CHRNA3: variants seen among roughly 807,000 people sequenced by gnomAD.
The protein encoded by CHRNA3 is cholinergic receptor nicotinic alpha 3 subunit.
In CHRNA3, 34 loss-of-function variants were observed where a neutral mutation model predicts 41.9. That is an observed-to-expected ratio of 0.81 (90% CI 0.62 to 1.08). The LOEUF (loss-of-function observed/expected upper bound fraction) is 1.08. Ranked by LOEUF, CHRNA3 falls within the 50% of genes least tolerant of loss-of-function variation. CHRNA3 has a pLI of 0.00. For synonymous variants in CHRNA3, 281 were observed against 265.2 expected (o/e 1.06, Z -0.58); for missense variants, 542 against 638.3 (o/e 0.85, Z 1.63).
chr15:78,614,554 C>T (rs1416519031), intron 4 of CHRNA3, among the ~76,000 whole-genome samples: 7 of 152,142 alleles, frequency 4.6e-5, no homozygotes, highest in East Asian at 1.9e-4. Flanking sequence ...CAGTATAAAA[C>T]ATAGCTTCTC....
intron 5 of CHRNA3, among the ~76,000 whole-genome samples, chr15:78,598,158 G>A (rs1393871511): frequency 1.3e-5 from 2 of 152,246 alleles, no homozygotes; most frequent in East Asian, 1.9e-4. Flanking sequence ...GTGAGAATCT[G>A]GGTAAATTCC....
At chr15:78,613,718 A>G (rs986216710) in intron 4 of CHRNA3, among the ~76,000 whole-genome samples, 5 of 151,142 alleles carry the variant, frequency 3.3e-5, no homozygotes, top group African/African-American at 1.2e-4. Context: ...CTTAAAGTAT[A>G]ATAATAATAA....
intron 4 of CHRNA3, among the ~76,000 whole-genome samples, chr15:78,613,085 G>T (rs1416468833): frequency 1.3e-5 from 2 of 152,234 alleles, no homozygotes; most frequent in Non-Finnish European, 2.9e-5. Flanking sequence ...TGCTGGCGAG[G>T]ATGTGGAGAA....
In CHRNA3 at chr15:78,617,237, T is replaced by A. The variant is rs1223646678; in HGVS notation, c.268-104A>T. 7 of 701,974 alleles carry A rather than the reference T, an allele frequency of 1.0e-5. No homozygotes were observed. In the African/African-American group the frequency reaches 1.0e-4, roughly 11 times the overall value. 43.5% of individuals were successfully genotyped at this position (701,974 alleles called of 1,614,324 possible). On this transcript the variant is annotated intron_variant, in intron 3 of 5. Coordinates refer to ENST00000326828, the MANE Select transcript of CHRNA3 (RefSeq NM_000743.5). ...TTGGTGACTCCCCACCCCTGCTGCA[T>A]GTGACCGAACCACATCCATGCCATG...
At chr15:78,596,798 C>T (rs955378755) in intron 5 of CHRNA3, 66 bp from the exon 6 acceptor site, 6 of 1,541,634 alleles carry the variant, frequency 3.9e-6, no homozygotes, top group Non-Finnish European at 5.2e-6. Context: ...ATTTTCAATA[C>T]TGAAGATGTA....
intron 1 of CHRNA3, 108 bp downstream of exon 1, chr15:78,620,605 C>T: frequency 7.1e-7 from 1 of 1,401,862 alleles, no homozygotes; most frequent in Non-Finnish European, 9.2e-7. Flanking sequence ...GGCGACGGCG[C>T]CAGCCCTCTC....
intron 4 of CHRNA3, among the ~76,000 whole-genome samples, chr15:78,614,675 A>T (rs957072237): frequency 6.6e-6 from 1 of 152,238 alleles, no homozygotes; most frequent in East Asian, 1.9e-4. Flanking sequence ...AGAATAGACT[A>T]ATTCTACATC....
At chr15:78,606,928 G>A (rs1250833852) in intron 4 of CHRNA3, among the ~76,000 whole-genome samples, 1 of 151,412 alleles carries the variant, frequency 6.6e-6, no homozygotes, top group Non-Finnish European at 1.5e-5. Context: ...AAAACCAGAA[G>A]AAACATAAGA....
At chr15:78,605,063 G>A (rs1054727904) in intron 4 of CHRNA3, among the ~76,000 whole-genome samples, 8 of 152,036 alleles carry the variant, frequency 5.3e-5, no homozygotes, top group African/African-American at 1.9e-4. Flanking sequence ...GACAGCATTG[G>A]TGGGAAGGGT....
chr15:78,602,355 T>G lies in CHRNA3; in HGVS notation c.378-91A>C, dbSNP rs1202537145. The G allele has an allele frequency of 1.7e-5, 24 of 1,377,392 alleles. No individual in the cohort carries two copies. In the Middle Eastern group the frequency reaches 7.1e-4, roughly 41 times the overall value. The allele number at this position is 1,377,392 out of a possible 1,614,324, so 85.3% of individuals were successfully genotyped here. ...TCAACCAGCTTCTCACAGTAAGTAA[T>G]GATTTGGAAGGCACTGGAAGATGAG... On this transcript the variant is annotated intron_variant, in intron 4 of 5. Transcript: ENST00000326828.
intron 4 of CHRNA3, among the ~76,000 whole-genome samples, chr15:78,604,313 C>T (rs945478730): frequency 3.3e-5 from 5 of 152,206 alleles, no homozygotes; most frequent in African/African-American, 1.2e-4. Context: ...TCTAGTCCAA[C>T]ACCTTCATTT....
At chr15:78,616,350 TCC>T (rs1362089864) in intron 4 of CHRNA3, among the ~76,000 whole-genome samples, 1 of 109,100 alleles carries the variant, frequency 9.2e-6, no homozygotes, top group East Asian at 3.7e-4. Context: ...GACTCAGTCT[TCC>T]CCCCCCCACC....
At position 78,615,004 on chromosome 15, in the gene CHRNA3, G is replaced by A. The variant is rs751739760; in HGVS notation, c.377+2020C>T. On this transcript the variant is annotated intron_variant, in intron 4 of 5. Transcript: ENST00000326828. ...AAACTGGCGGGAAGATGCACATTCCGGATCCATAGGAGACTGGAAGTGGCC... is the reference window on the plus strand; with the variant it reads ...AAACTGGCGGGAAGATGCACATTCCAGATCCATAGGAGACTGGAAGTGGCC... 2.6e-5 allele frequency among the ~76,000 whole-genome samples: 4 copies of A among 152,082 alleles called. No individual in the cohort carries two copies. The South Asian group carries it at 6.2e-4, about 24-fold the overall frequency.
rs2053108935 is a variant in CHRNA3, at chr15:78,596,295, T to A, written c.*309A>T. The A allele has an allele frequency of 9.9e-7, 1 of 1,009,282 alleles. No individual in the cohort carries two copies. The highest frequency in any genetic ancestry group is 4.6e-5 in the South Asian group (1 of 21,874). 62.5% of individuals were successfully genotyped at this position (1,009,282 alleles called of 1,614,324 possible). A position where few individuals can be genotyped will look rare whatever the true frequency, so the allele number is the denominator to read the frequency against. On this transcript the variant is annotated 3_prime_UTR_variant, in exon 6 of 6. Transcript: ENST00000326828. ...CTGAACAGCATTTTTCTATCCAGTTTTGTTTCAACAACTAAAAGGAAACAT... is the reference window on the plus strand; with the variant it reads ...CTGAACAGCATTTTTCTATCCAGTTATGTTTCAACAACTAAAAGGAAACAT...
At chr15:78,609,593 A>G (rs1010052032) in intron 4 of CHRNA3, among the ~76,000 whole-genome samples, 12 of 152,352 alleles carry the variant, frequency 7.9e-5, no homozygotes, top group African/African-American at 2.2e-4. Context: ...AAACATGGAA[A>G]GGAACAACTG....
At chr15:78,610,867 A>T (rs1213593463) in intron 4 of CHRNA3, among the ~76,000 whole-genome samples, 3 of 152,264 alleles carry the variant, frequency 2.0e-5, no homozygotes, top group Non-Finnish European at 4.4e-5. Context: ...AAATAGATGC[A>T]ATAAAAATTG....
At chr15:78,604,980 T>TC (rs2053260793) in intron 4 of CHRNA3, among the ~76,000 whole-genome samples, 1 of 147,746 alleles carries the variant, frequency 6.8e-6, no homozygotes, top group Non-Finnish European at 1.5e-5. Context: ...ACCACTGCAC[T>TC]CCAGCCTGGG....
At chr15:78,613,927 C>CA (rs1299727892) in intron 4 of CHRNA3, among the ~76,000 whole-genome samples, 11 of 151,372 alleles carry the variant, frequency 7.3e-5, no homozygotes, top group Non-Finnish European at 1.3e-4. Flanking sequence ...GCCTGGGCGA[C>CA]AGAGTGAGAC....
Position 78,620,480 on chromosome 15 carries a change from C to T in CHRNA3, c.82+233G>A, listed in dbSNP as rs1356917844. 3.3e-5 allele frequency among the ~76,000 whole-genome samples: 5 copies of T among 152,208 alleles called. No homozygotes were observed. The East Asian group carries it at 9.6e-4, about 29-fold the overall frequency. ...CACCCGGCGCGTACCAGCGCCCGCTCAGTGACTCCCAGGTTTGGTGGTGGC... is the reference window on the plus strand; with the variant it reads ...CACCCGGCGCGTACCAGCGCCCGCTTAGTGACTCCCAGGTTTGGTGGTGGC... On this transcript the variant is annotated intron_variant, in intron 1 of 5. Transcript: ENST00000326828.
Sources: allele counts gnomAD v4.1 joint callset (sites outside exome capture counted in the v4.1 genomes callset), GRCh38; gene constraint gnomAD v4.1.1; transcripts MANE v1.5; gene names NCBI Gene and HGNC (gene_info 2026-07-23, HGNC 2026-07-21).